Variants in LDB2 observed in about 807,000 individuals in gnomAD.
LDB2 encodes the protein LIM domain-binding protein 2.
A neutral mutation model predicts 44.3 loss-of-function variants in LDB2; 12 were observed. The observed-to-expected ratio is 0.27, with a 90% CI of 0.17 to 0.44. The LOEUF is 0.44. Among genes scored for constraint, LDB2 ranks in the 20% least tolerant of loss-of-function variants. The pLI, the probability that LDB2 is intolerant of heterozygous loss-of-function variation, is 1.00. For synonymous variants in LDB2, 164 were observed against 174.8 expected, an observed-to-expected ratio of 0.94 and a Z score of 0.49; for missense variants, 344 against 473.5, an observed-to-expected ratio of 0.73 and a Z score of 2.54.
chr4:16,585,903 A>G lies in LDB2; in HGVS notation c.615+19T>C. The G allele has an allele frequency of 6.2e-7, 1 of 1,600,078 alleles. No individual in the cohort carries two copies. Among genetic ancestry groups the G allele is most frequent in the Non-Finnish European group, 8.6e-7 (1 of 1,167,454 alleles). Reference sequence around the variant, plus strand: ...CTTTTCAAACTCACCAAAAAATAAAATCATTCGATTGATCTTACCCTGAGG... The same window carrying G: ...CTTTTCAAACTCACCAAAAAATAAAGTCATTCGATTGATCTTACCCTGAGG... On this transcript the variant is annotated intron_variant, in intron 5 of 7. Transcript: ENST00000304523.
intron 1 of LDB2, among the ~76,000 whole-genome samples, chr4:16,823,832 G>A (rs1782546012): frequency 6.6e-6 from 1 of 152,224 alleles, no homozygotes; most frequent in Non-Finnish European, 1.5e-5. Context: ...TGCTTCTAGT[G>A]TACAATCTTA....
At chr4:16,504,281 G>A (rs950567165) in intron 7 of LDB2, among the ~76,000 whole-genome samples, 2 of 152,176 alleles carry the variant, frequency 1.3e-5, no homozygotes, top group Non-Finnish European at 2.9e-5. Flanking sequence ...AGTGTCCATT[G>A]AACAAATCCC....
intron 2 of LDB2, among the ~76,000 whole-genome samples, chr4:16,751,735 C>G (rs2109112566): frequency 6.6e-6 from 1 of 152,248 alleles, no homozygotes; most frequent in South Asian, 2.1e-4. Context: ...AACTGTCTGG[C>G]CTAGGAAGGC....
chr4:16,558,064 G>A (rs1740447961), intron 5 of LDB2, among the ~76,000 whole-genome samples: 2 of 152,146 alleles, frequency 1.3e-5, no homozygotes, highest in Admixed American at 1.3e-4. Context: ...AAACCCATCT[G>A]TACATCACCA....
intron 2 of LDB2, among the ~76,000 whole-genome samples, chr4:16,691,402 T>C (rs1750741284): frequency 6.6e-6 from 1 of 152,186 alleles, no homozygotes. Flanking sequence ...GATAATATTC[T>C]TTGCCCGAAG....
At chr4:16,771,615 C>T (rs1262308750) in intron 1 of LDB2, among the ~76,000 whole-genome samples, 1 of 152,178 alleles carries the variant, frequency 6.6e-6, no homozygotes, top group East Asian at 1.9e-4. Flanking sequence ...GTTTCTCAGT[C>T]ACTTAGGCCA....
chr4:16,592,465 C>CAT (rs71589671), intron 3 of LDB2, among the ~76,000 whole-genome samples: 104 of 116,584 alleles, frequency 8.9e-4, no homozygotes, highest in African/African-American at 3.3e-3. Context: ...ATTATACATA[C>CAT]ATATATATAT....
chr4:16,704,833 A>AT (rs2152643146), intron 2 of LDB2, among the ~76,000 whole-genome samples: 1 of 152,330 alleles, frequency 6.6e-6, no homozygotes, highest in African/African-American at 2.4e-5. Context: ...CTCACTTACA[A>AT]TTGATTCTAA....
intron 2 of LDB2, among the ~76,000 whole-genome samples, chr4:16,695,765 T>A (rs1751984561): frequency 6.6e-6 from 1 of 152,196 alleles, no homozygotes; most frequent in African/African-American, 2.4e-5. Context: ...AAAACTTTAT[T>A]TATAGACACT....
At chr4:16,540,426 C>T (rs891063493) in intron 5 of LDB2, among the ~76,000 whole-genome samples, 4 of 152,132 alleles carry the variant, frequency 2.6e-5, no homozygotes, top group South Asian at 2.1e-4. Flanking sequence ...TGGAAATTTG[C>T]GGTCTTATCT....
At chr4:16,732,354 G>A (rs990251566) in intron 2 of LDB2, among the ~76,000 whole-genome samples, 9 of 152,172 alleles carry the variant, frequency 5.9e-5, no homozygotes, top group African/African-American at 2.2e-4. Context: ...ATCCCCTGCA[G>A]AGCTCCAAAT....
chr4:16,810,136 T>C (rs1275694219), intron 1 of LDB2, among the ~76,000 whole-genome samples: 3 of 152,138 alleles, frequency 2.0e-5, no homozygotes, highest in Non-Finnish European at 2.9e-5. Context: ...AAATGTGTGG[T>C]AATTAATTCT....
intron 1 of LDB2, among the ~76,000 whole-genome samples, chr4:16,814,027 A>T (rs932321359): frequency 2.0e-5 from 3 of 151,518 alleles, no homozygotes; most frequent in East Asian, 2.0e-4. Flanking sequence ...GCCCACCACC[A>T]CGCCTGGCTA....
Position 16,502,358 on chromosome 4 carries a change from G to T in LDB2, c.*285C>A, listed in dbSNP as rs148564223. 5 of 391,514 alleles carry T rather than the reference G, an allele frequency of 1.3e-5. No individual in the cohort carries two copies. The East Asian group carries it at 1.8e-4, about 14-fold the overall frequency. 24.3% of individuals were successfully genotyped at this position (391,514 alleles called of 1,614,324 possible). A position where few individuals can be genotyped will look rare whatever the true frequency, so the allele number is the denominator to read the frequency against. On this transcript the variant is annotated 3_prime_UTR_variant, in exon 8 of 8. Coordinates refer to ENST00000304523, the MANE Select transcript of LDB2 (RefSeq NM_001290.5). ...TCAACACAAACACGTTGTTAAAACC[G>T]TGCCAGAAGATGCGCTAGAGTTTTC...
At chr4:16,665,939 C>A (rs1366203985) in intron 2 of LDB2, among the ~76,000 whole-genome samples, 1 of 152,102 alleles carries the variant, frequency 6.6e-6, no homozygotes, top group African/African-American at 2.4e-5. Context: ...GAGCTACAAG[C>A]CCCGGAATGT....
intron 2 of LDB2, among the ~76,000 whole-genome samples, chr4:16,731,746 T>C (rs768224874): frequency 2.0e-5 from 3 of 152,318 alleles, no homozygotes; most frequent in Non-Finnish European, 4.4e-5. Context: ...TGAAAGGTCA[T>C]AGAGACCTCC....
intron 5 of LDB2, among the ~76,000 whole-genome samples, chr4:16,527,014 T>C (rs2152291366): frequency 6.6e-6 from 1 of 152,358 alleles, no homozygotes; most frequent in Admixed American, 6.5e-5. Context: ...AAATCTGAAT[T>C]TCAGATAATA....
intron 1 of LDB2, among the ~76,000 whole-genome samples, chr4:16,886,027 G>T (rs1486333536): frequency 2.6e-5 from 4 of 152,034 alleles, no homozygotes; most frequent in African/African-American, 9.7e-5. Context: ...ACCAGCCTGG[G>T]TAACAAAGAG....
chr4:16,797,992 G>C (rs1214676437), intron 1 of LDB2, among the ~76,000 whole-genome samples: 1 of 146,286 alleles, frequency 6.8e-6, no homozygotes, highest in South Asian at 2.2e-4. Flanking sequence ...CCAAGATCAT[G>C]CCACTGCACT....
Sources: allele counts gnomAD v4.1 joint callset (sites outside exome capture counted in the v4.1 genomes callset), GRCh38; gene constraint gnomAD v4.1.1; transcripts MANE v1.5; gene names NCBI Gene and HGNC (gene_info 2026-07-23, HGNC 2026-07-21).